KLRG1: variants seen among roughly 807,000 people sequenced by gnomAD.
KLRG1 encodes the protein killer cell lectin-like receptor subfamily G member 1.
In KLRG1, 16 loss-of-function variants were observed where a neutral mutation model predicts 21.8. That is an observed-to-expected ratio of 0.73 (90% CI 0.50 to 1.11). The LOEUF (loss-of-function observed/expected upper bound fraction) is 1.11. Among genes scored for constraint, KLRG1 ranks in the 50% most tolerant of loss-of-function variants. KLRG1 has a pLI of 0.00. For missense variants in KLRG1, 173 were observed against 218.3 expected, an observed-to-expected ratio of 0.79 and a Z score of 1.31; for synonymous variants, 69 against 75.9, an observed-to-expected ratio of 0.91 and a Z score of 0.47.
chr12:9,065,647 A>C, the KLRG1 span, among the ~76,000 whole-genome samples: 1 of 152,196 alleles, frequency 6.6e-6, no homozygotes, highest in Non-Finnish European at 1.5e-5. Context: ...CAGGAGGCAG[A>C]CAGGTTCCTG....
the KLRG1 span, among the ~76,000 whole-genome samples, chr12:9,023,533 C>T: frequency 4.0e-5 from 6 of 150,996 alleles, no homozygotes; most frequent in African/African-American, 1.5e-4. Context: ...ACATTTAGGT[C>T]GGTAATGTAT....
chr12:9,102,631 G>A, the KLRG1 span, among the ~76,000 whole-genome samples: 1 of 152,130 alleles, frequency 6.6e-6, no homozygotes, highest in Non-Finnish European at 1.5e-5. Context: ...CTCCTTTCAG[G>A]CTTCCTCTAC....
the KLRG1 span, among the ~76,000 whole-genome samples, chr12:9,108,035 G>A: frequency 6.6e-6 from 1 of 151,994 alleles, no homozygotes; most frequent in African/African-American, 2.4e-5. Context: ...CTATTAGTAC[G>A]ATAGTGTCTC....
At chr12:9,130,312 C>G in the KLRG1 span, among the ~76,000 whole-genome samples, 1 of 152,126 alleles carries the variant, frequency 6.6e-6, no homozygotes, top group Non-Finnish European at 1.5e-5. Flanking sequence ...GATATACACC[C>G]ATAAGTAAAA....
chr12:9,149,442 G>T, the KLRG1 span: 1 of 993,142 alleles, frequency 1.0e-6, no homozygotes, highest in Non-Finnish European at 1.5e-6. Flanking sequence ...TTGGTGTGAG[G>T]ACATGCCATG....
At chr12:9,072,631 C>T in the KLRG1 span, 1 of 1,612,440 alleles carries the variant, frequency 6.2e-7, no homozygotes, top group Non-Finnish European at 8.5e-7. Flanking sequence ...CTGTCCTGTC[C>T]TCACCTGCCC....
chr12:9,163,676 A>G, the KLRG1 span: 1 of 1,613,578 alleles, frequency 6.2e-7, no homozygotes, highest in Admixed American at 1.7e-5. Context: ...ACCTCCACCA[A>G]CAGGGTTTTG....
At chr12:9,057,596 T>G in the KLRG1 span, 1 of 152,604 alleles carries the variant, frequency 6.6e-6, no homozygotes, top group Non-Finnish European at 1.5e-5. Flanking sequence ...GAACTGAGTT[T>G]ATCTAGGATT....
the KLRG1 span, among the ~76,000 whole-genome samples, chr12:9,160,846 C>T: frequency 5.3e-5 from 8 of 151,124 alleles, no homozygotes; most frequent in South Asian, 6.3e-4. Flanking sequence ...ACCCAGGAGG[C>T]GGAGCTTGCA....
At chr12:9,143,482 G>A in the KLRG1 span, among the ~76,000 whole-genome samples, 183 of 152,214 alleles carry the variant, frequency 1.2e-3, 2 homozygotes, top group Middle Eastern at 3.4e-3. Flanking sequence ...AGAGGAAGGG[G>A]TTTAGAAGGA....
At chr12:9,050,902 G>A in the KLRG1 span, among the ~76,000 whole-genome samples, 1 of 152,216 alleles carries the variant, frequency 6.6e-6, no homozygotes, top group Non-Finnish European at 1.5e-5. Flanking sequence ...CTCTGCTCCT[G>A]GCACTGGCTT....
chr12:9,141,955 T>C, the KLRG1 span, among the ~76,000 whole-genome samples: 1 of 152,208 alleles, frequency 6.6e-6, no homozygotes, highest in Admixed American at 6.5e-5. Context: ...TTATAAAGCA[T>C]TCAGGAGTCC....
the KLRG1 span, among the ~76,000 whole-genome samples, chr12:9,107,857 ATTTC>A: frequency 1.3e-5 from 2 of 151,764 alleles, no homozygotes; most frequent in South Asian, 2.1e-4. Flanking sequence ...TTCTTTTATC[ATTTC>A]TTTTTTTTCC....
At chr12:8,975,239 T>C (rs1946639379) in intron 1 of KLRG1, among the ~76,000 whole-genome samples, 1 of 152,160 alleles carries the variant, frequency 6.6e-6, no homozygotes, top group Non-Finnish European at 1.5e-5. Flanking sequence ...AAGATTACTA[T>C]TAATTTTTCT....
the KLRG1 span, among the ~76,000 whole-genome samples, chr12:9,103,675 G>A: frequency 2.6e-5 from 4 of 152,116 alleles, no homozygotes; most frequent in African/African-American, 4.8e-5. Context: ...TGGTCTTTTT[G>A]TGACTAGCTT....
the KLRG1 span, among the ~76,000 whole-genome samples, chr12:9,093,017 C>T: frequency 6.6e-6 from 1 of 152,096 alleles, no homozygotes. Context: ...ACAAGTACTG[C>T]GTGATCTTAC....
chr12:9,156,989 T>A, the KLRG1 span, among the ~76,000 whole-genome samples: 1 of 152,192 alleles, frequency 6.6e-6, no homozygotes, highest in African/African-American at 2.4e-5. Context: ...GTTTGTTACA[T>A]AGGTGTGCCA....
At chr12:9,179,315 C>G in the KLRG1 span, among the ~76,000 whole-genome samples, 1 of 152,014 alleles carries the variant, frequency 6.6e-6, no homozygotes, top group African/African-American at 2.4e-5. Flanking sequence ...TTTTTATTGC[C>G]TCTCTCTAAG....
chr12:9,040,550 C>G, the KLRG1 span, among the ~76,000 whole-genome samples: 1 of 152,196 alleles, frequency 6.6e-6, no homozygotes, highest in Non-Finnish European at 1.5e-5. Context: ...TGCCTCCCTC[C>G]CATCTTCATC....
Sources: allele counts gnomAD v4.1 joint callset (sites outside exome capture counted in the v4.1 genomes callset), GRCh38; gene constraint gnomAD v4.1.1; transcripts MANE v1.5; gene names NCBI Gene and HGNC (gene_info 2026-07-23, HGNC 2026-07-21).